Variants in SMIM10L2A observed in about 807,000 individuals in gnomAD.
SMIM10L2A encodes the protein small integral membrane protein 10 like 2A.
In SMIM10L2A, 2 loss-of-function variants were observed where a neutral mutation model predicts 3.0. That is an observed-to-expected ratio of 0.66 (90% CI 0.27 to 2.08). The LOEUF (loss-of-function observed/expected upper bound fraction) is 2.08, where lower values mean the gene tolerates loss of function less well. Ranked by LOEUF, SMIM10L2A falls within the 30% of genes most tolerant of loss-of-function variation. The probability of loss-of-function intolerance (pLI) is 0.14; values close to 1 mark genes in which losing one functional copy is unlikely to be tolerated. For synonymous variants in SMIM10L2A, 29 were observed against 34.8 expected (o/e 0.83, Z 0.58); for missense variants, 59 against 66.5 (o/e 0.89, Z 0.39).
intron 1 of SMIM10L2A, 140 bp downstream of exon 1, chrX:135,422,870 G>C (rs1194044812): frequency 8.9e-6 from 1 of 112,437 alleles, no homozygotes; most frequent in Non-Finnish European, 1.9e-5. Flanking sequence ...GTGGGGAAAG[G>C]AAAGGCAGCC....
rs782654127 is a variant in SMIM10L2A at position 135,425,098 on chromosome X, C to T, written c.*1828C>T. 9.0e-6 allele frequency: 1 copy of T among 111,694 alleles called. No individual in the cohort carries two copies. Among genetic ancestry groups the T allele is most frequent in the Admixed American group, 9.4e-5 (1 of 10,694 alleles). The allele number at this position is 111,694 out of a possible 1,213,427, so 9.2% of individuals were successfully genotyped here. On this transcript the variant is annotated 3_prime_UTR_variant, in exon 2 of 2. Transcript: ENST00000417443. ...CCCTTTCAAACCCTGGTGTCACCCT[C>T]TGGGTGACTGGATCCCCAGCTCCAG...
chrX:135,422,881 G>A (rs1466391566), intron 1 of SMIM10L2A, among the ~76,000 whole-genome samples, 151 bp downstream of exon 1: 10 of 112,193 alleles, frequency 8.9e-5, no homozygotes, highest in Non-Finnish European at 1.7e-4. Flanking sequence ...AAAGGCAGCC[G>A]CAGGCTCTCC....
rs1377334877 is a variant in SMIM10L2A at position 135,422,161 on chromosome X, G to C, written c.30G>C (p.Ala10=). MAASAALSA[A]AAAAALSGLA... is the part of the protein sequence containing the mutation. ...CGGCGTCGGCGGCTCTGTCTGCAGC[G>C]GCGGCTGCGGCGGCCCTGTCTGGCC... Residue 10 remains alanine (A), a synonymous_variant, in exon 1 of 2, where the codon GCG becomes GCC. Coordinates refer to ENST00000417443, the MANE Select transcript of SMIM10L2A (RefSeq NM_203306.3). The C allele has an allele frequency of 6.9e-6, 5 of 728,265 alleles. No individual in the cohort carries two copies. Among genetic ancestry groups the C allele is most frequent in the Middle Eastern group, 5.0e-4 (1 of 1,995 alleles). The allele number at this position is 728,265 out of a possible 1,213,427, so 60.0% of individuals were successfully genotyped here.
rs1390026305 is a variant in SMIM10L2A, at chrX:135,425,717, G to GT, written c.*2450dup. The GT allele has an allele frequency of 8.9e-6, 1 of 112,077 alleles. No individual in the cohort carries two copies. The highest frequency in any genetic ancestry group is 3.3e-5 in the African/African-American group (1 of 30,733). The allele number at this position is 112,077 out of a possible 1,213,427, so 9.2% of individuals were successfully genotyped here. On this transcript the variant is annotated 3_prime_UTR_variant, in exon 2 of 2. Coordinates refer to ENST00000417443, the MANE Select transcript of SMIM10L2A (RefSeq NM_203306.3). ...TGTCACGTCTTCTTGTTTTCTCTAA[G>GT]TTTAAAAAAAAGTCCTTGGTTTAAT...
chrX:135,423,815 G>C lies in SMIM10L2A; in HGVS notation c.*545G>C, dbSNP rs1458618314. The C allele has an allele frequency of 8.8e-6, 1 of 113,291 alleles. No individual in the cohort carries two copies. The highest frequency in any genetic ancestry group is 2.8e-4 in the East Asian group (1 of 3,578). 9.3% of individuals were successfully genotyped at this position (113,291 alleles called of 1,213,427 possible). On this transcript the variant is annotated 3_prime_UTR_variant, in exon 2 of 2. Coordinates refer to ENST00000417443, the MANE Select transcript of SMIM10L2A (RefSeq NM_203306.3). ...GCATGGACAAAGGCTCACAGGGGTGGGGGTGCCCAGTGATCGAGTCCTGGC... is the reference window on the plus strand; with the variant it reads ...GCATGGACAAAGGCTCACAGGGGTGCGGGTGCCCAGTGATCGAGTCCTGGC...
chrX:135,422,931 G>A lies in SMIM10L2A; in HGVS notation c.*362+201G>A, dbSNP rs184103849. On this transcript the variant is annotated intron_variant, in intron 1 of 1. Coordinates refer to ENST00000417443, the MANE Select transcript of SMIM10L2A (RefSeq NM_203306.3). ...ATGATTGCAGGATAGGGTGAGGGGC[G>A]GCCCCCTCCCGCCCACGCCCCAGTG... 9.9e-3 allele frequency among the ~76,000 whole-genome samples: 1,107 copies of A among 112,103 alleles called. 3 individuals carry two copies. Among genetic ancestry groups the A allele is most frequent in the South Asian group, 0.012 (34 of 2,749 alleles).
In SMIM10L2A at chrX:135,422,396, C is replaced by T. The variant is rs377371228; in HGVS notation, c.*28C>T. The T allele has an allele frequency of 2.1e-5, 10 of 472,799 alleles. No homozygotes were observed. Among genetic ancestry groups the T allele is most frequent in the African/African-American group, 5.0e-5 (2 of 40,117 alleles). The allele number at this position is 472,799 out of a possible 1,213,427, so 39.0% of individuals were successfully genotyped here. A position where few individuals can be genotyped will look rare whatever the true frequency, so the allele number is the denominator to read the frequency against. The stretch of plus-strand genomic sequence containing the variant: ...GCCGGCGGCGGCGGCGGCGAAGGCC[C>T]GGCTGAAGGGGCGCCCGTGTCCCCG... On this transcript the variant is annotated 3_prime_UTR_variant, in exon 1 of 2. Transcript: ENST00000417443.
chrX:135,424,013 GC>G lies in SMIM10L2A; in HGVS notation c.*748del, dbSNP rs1189442583. 4 of 112,098 alleles carry G rather than the reference GC, an allele frequency of 3.6e-5. No homozygotes were observed. Among genetic ancestry groups the G allele is most frequent in the African/African-American group, 1.3e-4 (4 of 30,824 alleles). The allele number at this position is 112,098 out of a possible 1,213,427, so 9.2% of individuals were successfully genotyped here. ...ACTGCGTGTGCCCCTGGGCCTGCAG[GC>G]CCCCACACCCCTCCCCAGTCTTCTT... On this transcript the variant is annotated 3_prime_UTR_variant, in exon 2 of 2. Transcript: ENST00000417443.
In SMIM10L2A at chrX:135,424,263, T is replaced by G. The variant is rs1333733530; in HGVS notation, c.*993T>G. The G allele has an allele frequency of 9.0e-6, 1 of 110,781 alleles. No individual in the cohort carries two copies. Among genetic ancestry groups the G allele is most frequent in the African/African-American group, 3.3e-5 (1 of 30,368 alleles). The allele number at this position is 110,781 out of a possible 1,213,427, so 9.1% of individuals were successfully genotyped here. A position where few individuals can be genotyped will look rare whatever the true frequency, so the allele number is the denominator to read the frequency against. On this transcript the variant is annotated 3_prime_UTR_variant, in exon 2 of 2. Transcript: ENST00000417443. ...CTGGGGAGCCAAGCTGTCCCCCACATCCTAGCCTCTCACCCCACCTGGAGC... is the reference window on the plus strand; with the variant it reads ...CTGGGGAGCCAAGCTGTCCCCCACAGCCTAGCCTCTCACCCCACCTGGAGC...
At chrX:135,423,280 C>G (rs1293831440) in intron 1 of SMIM10L2A, among the ~76,000 whole-genome samples, 2 of 112,339 alleles carry the variant, frequency 1.8e-5, no homozygotes, top group East Asian at 5.6e-4. Flanking sequence ...CATGAGGGCA[C>G]CCCCCAAGCT....
At position 135,422,112 on chromosome X, in the gene SMIM10L2A, CCTGCGCGGGGCCCGGG is replaced by C; in HGVS notation, c.-18_-3del. 2.6e-6 allele frequency: 1 copy of C among 382,693 alleles called. No individual in the cohort carries two copies. The highest frequency in any genetic ancestry group is 4.0e-6 in the Non-Finnish European group (1 of 250,212). 31.5% of individuals were successfully genotyped at this position (382,693 alleles called of 1,213,427 possible). A position where few individuals can be genotyped will look rare whatever the true frequency, so the allele number is the denominator to read the frequency against. On this transcript the variant is annotated 5_prime_UTR_variant, in exon 1 of 2. Transcript: ENST00000417443. ...CGAGCGGGTCAGTCGGTCGGCGGGG[CCTGCGCGGGGCCCGGG>C]CCCATGGCGGCGTCGGCGGCTCTGT...
At position 135,423,417 on chromosome X, in the gene SMIM10L2A, G is replaced by C. The variant is rs781931309; in HGVS notation, c.*363-216G>C. 3.5e-5 allele frequency among the ~76,000 whole-genome samples: 4 copies of C among 113,104 alleles called. No individual in the cohort carries two copies. In the South Asian group the frequency reaches 1.1e-3, roughly 30 times the overall value. ...AGCTAGCAAGGCCCTCCCAGGGCCA[G>C]AGTCCCATCCTCCAGCCCCAGACGG... On this transcript the variant is annotated intron_variant, in intron 1 of 1. Transcript: ENST00000417443.
Position 135,422,319 on chromosome X carries a change from T to C in SMIM10L2A, c.188T>C (p.Ile63Thr). The C allele has an allele frequency of 1.1e-6, 1 of 923,235 alleles. No homozygotes were observed. Among genetic ancestry groups the C allele is most frequent in the South Asian group, 2.8e-5 (1 of 35,168 alleles). 76.1% of individuals were successfully genotyped at this position (923,235 alleles called of 1,213,427 possible). Reference protein sequence around the residue: ...RLRMNFPYFYIVASVMLNVRL... With the variant: ...RLRMNFPYFYTVASVMLNVRL... ...CGCATGAACTTCCCCTACTTCTACA[T>C]CGTGGCCTCGGTGATGCTTAACGTC... The change falls in exon 1 of 2, where the codon ATC becomes ACC. Residue 63 changes from isoleucine to threonine, a missense_variant. Physicochemically the swap from Ile to Thr is moderately conservative, Grantham distance 89. Coordinates refer to ENST00000417443, the MANE Select transcript of SMIM10L2A (RefSeq NM_203306.3).
In SMIM10L2A at chrX:135,427,792, ATTTATTTTGGTGGGGGTT is replaced by A. The variant is rs2085158331; in HGVS notation, c.*4523_*4540del. On this transcript the variant is annotated 3_prime_UTR_variant, in exon 2 of 2. Coordinates refer to ENST00000417443, the MANE Select transcript of SMIM10L2A (RefSeq NM_203306.3). ...CCTTTGGTTGTTTTTCTTTGTTGTCATTTATTTTGGTGGGGGTTGGTTTGCTTTTTGTTGTTGTTTTTC... is the reference window on the plus strand; with the variant it reads ...CCTTTGGTTGTTTTTCTTTGTTGTCAGGTTTGCTTTTTGTTGTTGTTTTTC... The A allele has an allele frequency of 1.8e-5, 2 of 111,610 alleles. No individual in the cohort carries two copies. Among genetic ancestry groups the A allele is most frequent in the African/African-American group, 6.5e-5 (2 of 30,637 alleles). 9.2% of individuals were successfully genotyped at this position (111,610 alleles called of 1,213,427 possible).
In SMIM10L2A at chrX:135,422,644, T is replaced by C. The variant is rs2148517941; in HGVS notation, c.*276T>C. 5.7e-6 allele frequency: 1 copy of C among 176,456 alleles called. No individual in the cohort carries two copies. Among genetic ancestry groups the C allele is most frequent in the East Asian group, 1.1e-4 (1 of 8,900 alleles). The allele number at this position is 176,456 out of a possible 1,213,427, so 14.5% of individuals were successfully genotyped here. The stretch of plus-strand genomic sequence containing the variant: ...AGAAACTACCTGGGCTCGGCCGACC[T>C]GTTGCCTCATATTGGCCAAAGAGGG... On this transcript the variant is annotated 3_prime_UTR_variant, in exon 1 of 2. Transcript: ENST00000417443.
Position 135,424,190 on chromosome X carries a change from A to G in SMIM10L2A, c.*920A>G, listed in dbSNP as rs1345222012. The G allele has an allele frequency of 9.0e-6, 1 of 110,836 alleles. No individual in the cohort carries two copies. The highest frequency in any genetic ancestry group is 1.9e-5 in the Non-Finnish European group (1 of 52,690). The allele number at this position is 110,836 out of a possible 1,213,427, so 9.1% of individuals were successfully genotyped here. ...ACGGAAAGTCACAGGGAAGATCAGGAGGACGGACAGCTGAGATGGGAGACA... is the reference window on the plus strand; with the variant it reads ...ACGGAAAGTCACAGGGAAGATCAGGGGGACGGACAGCTGAGATGGGAGACA... On this transcript the variant is annotated 3_prime_UTR_variant, in exon 2 of 2. Transcript: ENST00000417443.
rs1364150344 is a variant in SMIM10L2A at position 135,425,109 on chromosome X, G to A, written c.*1839G>A. ...CCTGGTGTCACCCTCTGGGTGACTGGATCCCCAGCTCCAGCCTCTTCCTGG... is the reference window on the plus strand; with the variant it reads ...CCTGGTGTCACCCTCTGGGTGACTGAATCCCCAGCTCCAGCCTCTTCCTGG... On this transcript the variant is annotated 3_prime_UTR_variant, in exon 2 of 2. Coordinates refer to ENST00000417443, the MANE Select transcript of SMIM10L2A (RefSeq NM_203306.3). 9.0e-6 allele frequency: 1 copy of A among 111,637 alleles called. No homozygotes were observed. Among genetic ancestry groups the A allele is most frequent in the African/African-American group, 3.3e-5 (1 of 30,676 alleles). 9.2% of individuals were successfully genotyped at this position (111,637 alleles called of 1,213,427 possible).
chrX:135,426,608 A>T lies in SMIM10L2A; in HGVS notation c.*3338A>T, dbSNP rs782274079. 6.2e-5 allele frequency: 7 copies of T among 113,180 alleles called. No homozygotes were observed. The highest frequency in any genetic ancestry group is 1.3e-4 in the Non-Finnish European group (7 of 53,336). The allele number at this position is 113,180 out of a possible 1,213,427, so 9.3% of individuals were successfully genotyped here. ...AATGCCCTATGGCATCTGCCACCAC[A>T]GGAGAAATGGACCCCAGTCCTTGAT... is the stretch of plus-strand genomic sequence containing the variant. On this transcript the variant is annotated 3_prime_UTR_variant, in exon 2 of 2. Coordinates refer to ENST00000417443, the MANE Select transcript of SMIM10L2A (RefSeq NM_203306.3).
rs2085151552 is a variant in SMIM10L2A, at chrX:135,426,053, T to G, written c.*2783T>G. ...GACCCAAAACATAAGTCCCTTTCCT[T>G]TTTAGAGTCTGGCGATCAAAAGTGT... On this transcript the variant is annotated 3_prime_UTR_variant, in exon 2 of 2. Transcript: ENST00000417443. 8.9e-6 allele frequency: 1 copy of G among 112,100 alleles called. No homozygotes were observed. Among genetic ancestry groups the G allele is most frequent in the Admixed American group, 9.4e-5 (1 of 10,685 alleles). The allele number at this position is 112,100 out of a possible 1,213,427, so 9.2% of individuals were successfully genotyped here. A position where few individuals can be genotyped will look rare whatever the true frequency, so the allele number is the denominator to read the frequency against.
Sources: gnomAD v4.1 joint callset for allele counts (sites outside exome capture counted in the v4.1 genomes callset) on GRCh38, gnomAD v4.1.1 for gene constraint, MANE v1.5 for transcripts, NCBI Gene and HGNC (gene_info 2026-07-23, HGNC 2026-07-21) for gene names.